CDH12: variants seen among roughly 807,000 people sequenced by gnomAD.
CDH12 encodes the protein cadherin-12.
CDH12 carries 41 observed loss-of-function variants against 74.1 expected under a neutral mutation model. That is an observed-to-expected ratio of 0.55 (90% CI 0.43 to 0.72). The LOEUF (loss-of-function observed/expected upper bound fraction) is 0.72, where lower values mean the gene tolerates loss of function less well. Among genes scored for constraint, CDH12 ranks in the 30% least tolerant of loss-of-function variants. CDH12 has a pLI of 0.00. For synonymous variants in CDH12, 399 were observed against 355.0 expected (o/e 1.12, Z -1.39); for missense variants, 945 against 977.2 (o/e 0.97, Z 0.44).
chr5:22,103,854 T>G (rs1744282888), intron 4 of CDH12, among the ~76,000 whole-genome samples: 1 of 152,230 alleles, frequency 6.6e-6, no homozygotes, highest in African/African-American at 2.4e-5. Flanking sequence ...GAGAAGCATA[T>G]GAAATAATGA....
At chr5:22,485,753 T>C (rs1746565771) in intron 2 of CDH12, among the ~76,000 whole-genome samples, 1 of 152,180 alleles carries the variant, frequency 6.6e-6, no homozygotes, top group South Asian at 2.1e-4. Context: ...TTTATGATTT[T>C]CCAAATAATA....
intron 10 of CDH12, among the ~76,000 whole-genome samples, chr5:21,788,099 G>A (rs1746293345): frequency 6.6e-6 from 1 of 152,116 alleles, no homozygotes; most frequent in South Asian, 2.1e-4. Flanking sequence ...ATAAAAATAA[G>A]TAAAGTATGA....
At chr5:22,187,218 T>C (rs1320937634) in intron 4 of CDH12, among the ~76,000 whole-genome samples, 3 of 152,114 alleles carry the variant, frequency 2.0e-5, no homozygotes, top group African/African-American at 7.2e-5. Context: ...GGGCAGATGG[T>C]GCTTATATTG....
chr5:22,425,642 A>G (rs1053719720), intron 2 of CDH12, among the ~76,000 whole-genome samples: 1 of 152,038 alleles, frequency 6.6e-6, no homozygotes, highest in Non-Finnish European at 1.5e-5. Flanking sequence ...ATTAGTTAAG[A>G]TTGTACCTTG....
chr5:22,505,233 T>A (rs1349193903), intron 2 of CDH12, 37 bp downstream of exon 2: 1 of 687,388 alleles, frequency 1.5e-6, no homozygotes, highest in Non-Finnish European at 1.8e-6. Flanking sequence ...ATTAAGAAGG[T>A]AAAAGCATAT....
chr5:22,743,278 A>ATATATG (rs1553997529), intron 1 of CDH12, among the ~76,000 whole-genome samples: 1 of 138,810 alleles, frequency 7.2e-6, no homozygotes, highest in Admixed American at 7.4e-5. Context: ...ATATATATAT[A>ATATATG]TATGTATATA....
chr5:22,597,656 T>C (rs1736666467), intron 1 of CDH12, among the ~76,000 whole-genome samples: 1 of 152,210 alleles, frequency 6.6e-6, no homozygotes, highest in Admixed American at 6.5e-5. Context: ...GAGTATTTGT[T>C]GTCAAACATC....
chr5:21,860,698 T>G (rs1449033009), intron 6 of CDH12, among the ~76,000 whole-genome samples: 2 of 152,044 alleles, frequency 1.3e-5, no homozygotes, highest in African/African-American at 4.8e-5. Flanking sequence ...TGCTAGATGC[T>G]TCCTGCCTTC....
chr5:22,384,449 C>T (rs1003586535), intron 3 of CDH12, among the ~76,000 whole-genome samples: 1 of 135,328 alleles, frequency 7.4e-6, no homozygotes, highest in Non-Finnish European at 1.5e-5. Context: ...TGGCGTGAAC[C>T]CGGGAGGCGG....
intron 1 of CDH12, among the ~76,000 whole-genome samples, chr5:22,580,068 C>T (rs1255213754): frequency 1.3e-5 from 2 of 152,128 alleles, no homozygotes; most frequent in Non-Finnish European, 2.9e-5. Flanking sequence ...CGATGCTCTG[C>T]AGAAACCATG....
chr5:22,123,910 G>A (rs1007533647), intron 4 of CDH12, among the ~76,000 whole-genome samples: 15 of 151,482 alleles, frequency 9.9e-5, no homozygotes, highest in East Asian at 3.9e-4. Context: ...ACATTATTTC[G>A]TTTCCTTGAG....
chr5:22,417,000 A>G (rs1743420692), intron 2 of CDH12, among the ~76,000 whole-genome samples: 1 of 152,220 alleles, frequency 6.6e-6, no homozygotes, highest in African/African-American at 2.4e-5. Context: ...TAAACATATT[A>G]GTCTCAAGAC....
At chr5:22,803,372 T>C (rs1048142927) in intron 1 of CDH12, among the ~76,000 whole-genome samples, 2 of 152,226 alleles carry the variant, frequency 1.3e-5, no homozygotes, top group African/African-American at 2.4e-5. Flanking sequence ...ATTTCTTCTC[T>C]TTTTATTACT....
intron 1 of CDH12, among the ~76,000 whole-genome samples, chr5:22,519,954 T>C (rs1736978025): frequency 6.6e-6 from 1 of 152,150 alleles, no homozygotes; most frequent in Non-Finnish European, 1.5e-5. Context: ...TCTTATAAAA[T>C]AATAGACTTG....
At chr5:21,927,798 G>A (rs910642913) in intron 6 of CDH12, among the ~76,000 whole-genome samples, 36 of 151,904 alleles carry the variant, frequency 2.4e-4, no homozygotes, top group South Asian at 2.1e-4. Flanking sequence ...GGCCTGGTGC[G>A]GTGGCTCACG....
chr5:22,458,554 A>C (rs1398433624), intron 2 of CDH12, among the ~76,000 whole-genome samples: 1 of 152,238 alleles, frequency 6.6e-6, no homozygotes, highest in African/African-American at 2.4e-5. Context: ...CATACATTTT[A>C]GCTGAAAGGC....
At chr5:22,399,162 CTATT>C (rs929105297) in intron 3 of CDH12, among the ~76,000 whole-genome samples, 3 of 151,500 alleles carry the variant, frequency 2.0e-5, no homozygotes, top group African/African-American at 7.3e-5. Flanking sequence ...ATATCTATAT[CTATT>C]TATCTTACTA....
intron 1 of CDH12, among the ~76,000 whole-genome samples, chr5:22,657,716 G>A (rs6895816): frequency 0.042 from 6,348 of 152,160 alleles, 330 homozygotes; most frequent in African/African-American, 0.12. Flanking sequence ...ATTTCCCAAA[G>A]TATAAACTCA....
chr5:22,338,458 A>G (rs968255592), intron 3 of CDH12, among the ~76,000 whole-genome samples: 3 of 152,072 alleles, frequency 2.0e-5, no homozygotes, highest in African/African-American at 7.2e-5. Flanking sequence ...GAAACTGGAG[A>G]TGGTTAATGG....
Sources: gnomAD v4.1 joint callset for allele counts (sites outside exome capture counted in the v4.1 genomes callset) on GRCh38, gnomAD v4.1.1 for gene constraint, MANE v1.5 for transcripts, NCBI Gene and HGNC (gene_info 2026-07-23, HGNC 2026-07-21) for gene names.